PCDH15: variants seen among roughly 807,000 people sequenced by gnomAD.
PCDH15 encodes the protein protocadherin related 15.
Under a neutral mutation model 178.5 loss-of-function variants are expected in PCDH15, and 129 were observed. That is an observed-to-expected ratio of 0.72 (90% confidence interval 0.63 to 0.84). The LOEUF is 0.84. PCDH15 is among the 40% of genes least tolerant of loss of function. The pLI is 0.00. For synonymous variants in PCDH15, 800 were observed against 732.0 expected, an observed-to-expected ratio of 1.09 and a Z score of -1.50; for missense variants, 2,230 against 2,099.9, an observed-to-expected ratio of 1.06 and a Z score of -1.21.
In PCDH15 at chr10:55,589,171, G is replaced by T. The variant is rs10825552; in HGVS notation, c.-156+38454C>A. 9.4e-3 allele frequency among the ~76,000 whole-genome samples: 1,420 copies of T among 151,656 alleles called. 14 individuals carry two copies. Among genetic ancestry groups the T allele is most frequent in the Non-Finnish European group, 0.013 (903 of 67,922 alleles). On this transcript the variant is annotated intron_variant, in intron 2 of 5. Transcript: ENST00000613346. ...ATGGTAATGCCTAGGTTTTCTTCTA[G>T]GGTTTTTATGGTTTTAGGTCTAACG...
chr10:55,306,259 C>T (rs1339282045), intron 1 of PCDH15, among the ~76,000 whole-genome samples: 1 of 152,084 alleles, frequency 6.6e-6, no homozygotes, highest in African/African-American at 2.4e-5. Flanking sequence ...AGATAAAGCT[C>T]GTTAACTCAG....
chr10:55,212,055 G>C (rs987556972), intron 1 of PCDH15, among the ~76,000 whole-genome samples: 10 of 152,088 alleles, frequency 6.6e-5, no homozygotes, highest in Non-Finnish European at 1.0e-4. Flanking sequence ...ACAGCTACCT[G>C]TGGGCCAGGC....
chr10:55,396,752 C>G (rs575472456), intron 2 of PCDH15, among the ~76,000 whole-genome samples: 2 of 152,166 alleles, frequency 1.3e-5, no homozygotes, highest in African/African-American at 4.8e-5. Context: ...ATTTATTTAC[C>G]CAAAGGTGGT....
chr10:54,326,769 A>G (rs1199649561), intron 7 of PCDH15, among the ~76,000 whole-genome samples: 2 of 152,080 alleles, frequency 1.3e-5, no homozygotes, highest in Non-Finnish European at 2.9e-5. Context: ...ATAAACAAAA[A>G]CGGAGTATTG....
chr10:54,292,834 A>G (rs2059506833), intron 8 of PCDH15, among the ~76,000 whole-genome samples: 1 of 152,232 alleles, frequency 6.6e-6, no homozygotes. Context: ...AATATGGAAG[A>G]AAATTCCATG....
intron 6 of PCDH15, among the ~76,000 whole-genome samples, chr10:54,345,945 G>T (rs1039942684): frequency 6.6e-6 from 1 of 151,888 alleles, no homozygotes; most frequent in Non-Finnish European, 1.5e-5. Context: ...ACTGGTGGAC[G>T]GCTAGAAGTT....
chr10:55,067,420 TAAC>T (rs1841594646), intron 2 of PCDH15, among the ~76,000 whole-genome samples: 1 of 152,090 alleles, frequency 6.6e-6, no homozygotes, highest in Non-Finnish European at 1.5e-5. Context: ...TTATTCTTTT[TAAC>T]AACAGAATAG....
intron 2 of PCDH15, among the ~76,000 whole-genome samples, chr10:55,103,081 G>A (rs968484101): frequency 1.3e-5 from 2 of 150,512 alleles, no homozygotes; most frequent in African/African-American, 4.9e-5. Flanking sequence ...TAACTTCATA[G>A]AAATATATGG....
chr10:55,088,149 T>A (rs1842223241), intron 2 of PCDH15, among the ~76,000 whole-genome samples: 1 of 152,150 alleles, frequency 6.6e-6, no homozygotes, highest in Admixed American at 6.6e-5. Flanking sequence ...GTCTATCATA[T>A]GAAATTGACC....
intron 1 of PCDH15, among the ~76,000 whole-genome samples, chr10:55,313,487 C>T (rs760716569): frequency 9.2e-5 from 14 of 152,076 alleles, no homozygotes; most frequent in Non-Finnish European, 1.8e-4. Context: ...GATGGCGTTA[C>T]GGATGTTGAA....
chr10:53,805,416 A>G lies in PCDH15; in HGVS notation c.*1163T>C, dbSNP rs1000981269. 3 of 152,098 alleles carry G rather than the reference A, an allele frequency of 2.0e-5. No homozygotes were observed. The highest frequency in any genetic ancestry group is 7.2e-5 in the African/African-American group (3 of 41,450). 9.4% of individuals were successfully genotyped at this position (152,098 alleles called of 1,614,324 possible). On this transcript the variant is annotated 3_prime_UTR_variant, in exon 38 of 38. Transcript: ENST00000644397. The stretch of plus-strand genomic sequence containing the variant: ...GGATATTCTGTTTTCATTTCTACTT[A>G]TGATGAAACACTGTGCTTTGTTCAA...
At chr10:55,510,489 A>T (rs1840855271) in intron 2 of PCDH15, among the ~76,000 whole-genome samples, 1 of 151,986 alleles carries the variant, frequency 6.6e-6, no homozygotes, top group South Asian at 2.1e-4. Flanking sequence ...TTTAAAAAAA[A>T]GTTTCTAAAC....
At chr10:55,044,105 A>T (rs963367340) in intron 2 of PCDH15, among the ~76,000 whole-genome samples, 18 of 152,142 alleles carry the variant, frequency 1.2e-4, no homozygotes, top group African/African-American at 4.1e-4. Context: ...ATAGTGATGG[A>T]GATATGAAAG....
intron 3 of PCDH15, among the ~76,000 whole-genome samples, chr10:54,809,659 C>G (rs568194209): frequency 5.5e-4 from 83 of 152,106 alleles, no homozygotes; most frequent in African/African-American, 1.9e-3. Flanking sequence ...ATATTGAGTG[C>G]CAACAATGTG....
At chr10:54,893,384 C>T (rs550493970) in intron 3 of PCDH15, among the ~76,000 whole-genome samples, 3 of 151,988 alleles carry the variant, frequency 2.0e-5, no homozygotes, top group African/African-American at 7.2e-5. Flanking sequence ...TTGCTAAGTG[C>T]CATTTAGCTA....
chr10:54,380,837 A>G (rs535691020), intron 3 of PCDH15, among the ~76,000 whole-genome samples: 1 of 149,634 alleles, frequency 6.7e-6, no homozygotes, highest in Non-Finnish European at 1.5e-5. Flanking sequence ...AAGTTTTAAT[A>G]GTAACTAATA....
In PCDH15 at chr10:53,821,818, TCAA is replaced by T. The variant is rs751741523; in HGVS notation, c.4368-1591_4368-1589del. On this transcript the variant is annotated intron_variant, in intron 32 of 37. Transcript: ENST00000644397. ...TTGATGTTCAACTTGAAGACTATGA[TCAA>T]CAAGAGGTTTGCCCGACTAAAATAA... 4 of 1,608,918 alleles carry T rather than the reference TCAA, an allele frequency of 2.5e-6. No homozygotes were observed. The African/African-American group carries it at 5.3e-5, about 22-fold the overall frequency.
At chr10:55,027,824 AT>A (rs1269323182) in intron 2 of PCDH15, among the ~76,000 whole-genome samples, 10 of 151,848 alleles carry the variant, frequency 6.6e-5, no homozygotes, top group Non-Finnish European at 8.8e-5. Flanking sequence ...AGGTAGTATA[AT>A]TTTTTTGTCA....
At chr10:54,715,962 T>C (rs570686708) in intron 1 of PCDH15, among the ~76,000 whole-genome samples, 32 of 152,248 alleles carry the variant, frequency 2.1e-4, no homozygotes, top group African/African-American at 7.0e-4. Flanking sequence ...GACATATCTC[T>C]GGAATTTGGA....
Sources: allele counts gnomAD v4.1 joint callset (sites outside exome capture counted in the v4.1 genomes callset), GRCh38; gene constraint gnomAD v4.1.1; transcripts MANE v1.5; gene names NCBI Gene and HGNC (gene_info 2026-07-23, HGNC 2026-07-21).